DNAJC1: variants seen among roughly 807,000 people sequenced by gnomAD.
DNAJC1 encodes the protein DnaJ heat shock protein family (Hsp40) member C1, also known as dnaJ homolog subfamily C member 1.
DNAJC1 carries 58 observed loss-of-function variants against 76.6 expected under a neutral mutation model. The observed-to-expected ratio is 0.76, with a 90% CI of 0.61 to 0.94. DNAJC1 has a LOEUF of 0.94. Ranked by LOEUF, DNAJC1 falls within the 40% of genes least tolerant of loss-of-function variation. The pLI, the probability that DNAJC1 is intolerant of heterozygous loss-of-function variation, is 0.00. For synonymous variants in DNAJC1, 258 were observed against 267.9 expected (o/e 0.96, Z 0.36); for missense variants, 689 against 677.3 (o/e 1.02, Z -0.19).
At chr10:21,982,465 CCCA>C (rs1838173237) in intron 1 of DNAJC1, among the ~76,000 whole-genome samples, 1 of 151,896 alleles carries the variant, frequency 6.6e-6, no homozygotes, top group Non-Finnish European at 1.5e-5. Context: ...AAATAAACAA[CCCA>C]CAGAATGGGA....
chr10:21,886,868 A>G (rs1836374105), intron 7 of DNAJC1, among the ~76,000 whole-genome samples: 1 of 152,178 alleles, frequency 6.6e-6, no homozygotes, highest in African/African-American at 2.4e-5. Context: ...TCTATTCAAC[A>G]CAGTATTGGA....
intron 6 of DNAJC1, among the ~76,000 whole-genome samples, chr10:21,914,673 A>G (rs1302853317): frequency 6.6e-6 from 1 of 152,214 alleles, no homozygotes; most frequent in Non-Finnish European, 1.5e-5. Context: ...AATGGGCTGC[A>G]TGATACCCTC....
At chr10:21,864,955 C>T (rs1384940360) in intron 8 of DNAJC1, among the ~76,000 whole-genome samples, 1 of 152,062 alleles carries the variant, frequency 6.6e-6, no homozygotes, top group African/African-American at 2.4e-5. Context: ...ATGGAAAACA[C>T]ATGAAAAGAT....
At chr10:21,876,632 T>C (rs1202640982) in intron 8 of DNAJC1, among the ~76,000 whole-genome samples, 1 of 152,202 alleles carries the variant, frequency 6.6e-6, no homozygotes, top group Non-Finnish European at 1.5e-5. Flanking sequence ...GGAAAATTAC[T>C]GTACTAGATA....
At chr10:21,803,423 A>G (rs1218670363) in intron 9 of DNAJC1, among the ~76,000 whole-genome samples, 1 of 152,184 alleles carries the variant, frequency 6.6e-6, no homozygotes, top group Non-Finnish European at 1.5e-5. Context: ...CCATAAGCCA[A>G]AAGGAGGCAC....
intron 8 of DNAJC1, among the ~76,000 whole-genome samples, chr10:21,879,709 CA>C (rs1487343481): frequency 6.6e-6 from 1 of 151,988 alleles, no homozygotes; most frequent in Non-Finnish European, 1.5e-5. Flanking sequence ...GCATTATGTC[CA>C]AAAAACAATG....
intron 6 of DNAJC1, among the ~76,000 whole-genome samples, chr10:21,910,359 C>A (rs1836834338): frequency 2.0e-5 from 3 of 152,124 alleles, no homozygotes; most frequent in African/African-American, 4.8e-5. Flanking sequence ...TGGTGATCCG[C>A]CCACCTTGGC....
intron 1 of DNAJC1, among the ~76,000 whole-genome samples, chr10:22,002,332 T>C (rs1196804876): frequency 6.6e-6 from 1 of 152,174 alleles, no homozygotes; most frequent in Non-Finnish European, 1.5e-5. Context: ...AATGTTATCT[T>C]CTCCTTCGCA....
intron 8 of DNAJC1, among the ~76,000 whole-genome samples, chr10:21,868,534 T>G (rs1380713481): frequency 6.6e-6 from 1 of 152,052 alleles, no homozygotes; most frequent in Non-Finnish European, 1.5e-5. Flanking sequence ...TGGATGAATC[T>G]CAAGGGCATT....
chr10:21,937,297 T>G (rs1406875816), intron 1 of DNAJC1, among the ~76,000 whole-genome samples: 1 of 152,088 alleles, frequency 6.6e-6, no homozygotes, highest in Non-Finnish European at 1.5e-5. Flanking sequence ...TTGCAAACAG[T>G]AATTAAAAGA....
intron 1 of DNAJC1, among the ~76,000 whole-genome samples, chr10:21,936,617 T>A (rs1049991357): frequency 3.3e-4 from 51 of 152,330 alleles, no homozygotes; most frequent in African/African-American, 1.2e-3. Context: ...CAACATTTTT[T>A]ATTTTCTTTG....
chr10:21,813,177 T>C (rs1448671885), intron 8 of DNAJC1, among the ~76,000 whole-genome samples: 2 of 12,628 alleles, frequency 1.6e-4, no homozygotes, highest in Non-Finnish European at 2.6e-4. Context: ...TCTCTCTCCC[T>C]CTCTCTCTCT....
intron 9 of DNAJC1, among the ~76,000 whole-genome samples, chr10:21,786,463 TAG>T (rs1159399044): frequency 2.1e-3 from 49 of 23,412 alleles, no homozygotes; most frequent in African/African-American, 5.4e-3. Flanking sequence ...TATATATATA[TAG>T]AGAGAGAGAG....
intron 9 of DNAJC1, among the ~76,000 whole-genome samples, chr10:21,800,267 T>C (rs970572356): frequency 2.6e-5 from 4 of 152,094 alleles, no homozygotes; most frequent in Non-Finnish European, 5.9e-5. Flanking sequence ...TGGTGAAAAA[T>C]GTAGTGTTTG....
intron 1 of DNAJC1, among the ~76,000 whole-genome samples, chr10:21,931,755 A>G (rs1837229028): frequency 6.6e-6 from 1 of 152,190 alleles, no homozygotes; most frequent in South Asian, 2.1e-4. Flanking sequence ...TCACATTTCT[A>G]TTAGAGGCCT....
At chr10:21,843,541 G>C (rs974729739) in intron 8 of DNAJC1, among the ~76,000 whole-genome samples, 50 of 151,620 alleles carry the variant, frequency 3.3e-4, no homozygotes, top group Admixed American at 3.2e-3. Context: ...GTACAGGCAC[G>C]TGCCACCATG....
chr10:21,839,881 C>T (rs1047501850), intron 8 of DNAJC1, among the ~76,000 whole-genome samples: 4 of 152,178 alleles, frequency 2.6e-5, no homozygotes, highest in Non-Finnish European at 5.9e-5. Flanking sequence ...AATCCAGCAG[C>T]ACATCAAAAA....
chr10:21,837,251 C>T (rs1028390475), intron 8 of DNAJC1, among the ~76,000 whole-genome samples: 7 of 152,316 alleles, frequency 4.6e-5, no homozygotes, highest in East Asian at 3.9e-4. Context: ...GGCGTGATCT[C>T]GGCTCGCTAC....
At chr10:21,833,839 C>A (rs1347357179) in intron 8 of DNAJC1, among the ~76,000 whole-genome samples, 2 of 152,014 alleles carry the variant, frequency 1.3e-5, no homozygotes, top group African/African-American at 4.8e-5. Flanking sequence ...TTACCACCAA[C>A]AAAATACTAT....
Sources: allele counts gnomAD v4.1 joint callset (sites outside exome capture counted in the v4.1 genomes callset), GRCh38; gene constraint gnomAD v4.1.1; transcripts MANE v1.5; gene names NCBI Gene and HGNC (gene_info 2026-07-23, HGNC 2026-07-21).